CFAP69: variants seen among roughly 807,000 people sequenced by gnomAD.
CFAP69 encodes the protein cilia- and flagella-associated protein 69.
A neutral mutation model predicts 123.0 loss-of-function variants in CFAP69; 92 were observed. That is an observed-to-expected ratio of 0.75 (90% CI 0.63 to 0.89). The LOEUF (loss-of-function observed/expected upper bound fraction) is 0.89, where lower values mean the gene tolerates loss of function less well. Among genes scored for constraint, CFAP69 ranks in the 40% least tolerant of loss-of-function variants. CFAP69 has a pLI of 0.00. For synonymous variants in CFAP69, 380 were observed against 364.3 expected (o/e 1.04, Z -0.49); for missense variants, 1,067 against 1,096.9 (o/e 0.97, Z 0.39).
intron 11 of CFAP69, among the ~76,000 whole-genome samples, 173 bp from the exon 12 acceptor site, chr7:90,279,504 T>G (rs1789119807): frequency 6.6e-6 from 1 of 151,638 alleles, no homozygotes; most frequent in Non-Finnish European, 1.5e-5. Flanking sequence ...GATTATAACT[T>G]ATTTAATTTT....
At chr7:90,319,790 TAA>T in the CFAP69 span, 3 of 398,258 alleles carry the variant, frequency 7.5e-6, no homozygotes, top group Non-Finnish European at 1.3e-5. Context: ...ATATTTAACT[TAA>T]AAAAGTTATT....
At chr7:90,304,323 C>T (rs1327428260) in intron 18 of CFAP69, 3 of 1,281,270 alleles carry the variant, frequency 2.3e-6, no homozygotes, top group South Asian at 4.8e-5. Context: ...TAAAGCTCCC[C>T]AGGCAATTCC....
In CFAP69 at chr7:90,274,088, A is replaced by G. The variant is rs1800387885; in HGVS notation, c.962A>G (p.Gln321Arg). 1.3e-6 allele frequency: 2 copies of G among 1,598,486 alleles called. No homozygotes were observed. The highest frequency in any genetic ancestry group is 1.7e-6 in the Non-Finnish European group (2 of 1,175,184). ...TTAGTGATCACTACAATTATAGCTCAAAATCCTGAAGCACCAATGATTGTA... is the reference window on the plus strand; with the variant it reads ...TTAGTGATCACTACAATTATAGCTCGAAATCCTGAAGCACCAATGATTGTA... ...DILVITTIIA[Q>R]NPEAPMIECG... The change falls in exon 9 of 23, where the codon CAA becomes CGA. Residue 321 changes from glutamine (Q) to arginine (R), a missense_variant. Physicochemically the swap from Gln to Arg is conservative, Grantham distance 43. Transcript: ENST00000389297.
At chr7:90,250,755 C>T (rs957431772) in intron 1 of CFAP69, among the ~76,000 whole-genome samples, 9 of 152,050 alleles carry the variant, frequency 5.9e-5, no homozygotes, top group African/African-American at 1.7e-4. Context: ...TCAATTGTCA[C>T]GTTAAGCCTA....
chr7:90,283,454 A>G (rs915889326), intron 13 of CFAP69, among the ~76,000 whole-genome samples: 1 of 152,212 alleles, frequency 6.6e-6, no homozygotes, highest in African/African-American at 2.4e-5. Flanking sequence ...GTATTTACAG[A>G]AATGTACAGA....
chr7:90,259,502 G>C (rs891972533), intron 3 of CFAP69, among the ~76,000 whole-genome samples: 1 of 148,742 alleles, frequency 6.7e-6, no homozygotes, highest in African/African-American at 2.5e-5. Context: ...GTTTGTTTTT[G>C]ACACAGAGTC....
chr7:90,319,599 TTTCCA>T, the CFAP69 span: 1 of 398,616 alleles, frequency 2.5e-6, no homozygotes. Flanking sequence ...AAGAGCAAGC[TTTCCA>T]GCACTGGAGA....
intron 12 of CFAP69, 118 bp from the exon 13 acceptor site, chr7:90,282,774 A>G: frequency 5.0e-6 from 4 of 799,496 alleles, no homozygotes; most frequent in Non-Finnish European, 7.0e-6. Context: ...AAAAAAAACT[A>G]AAGCAAATAT....
chr7:90,303,706 T>G, intron 17 of CFAP69: 1 of 1,014,672 alleles, frequency 9.9e-7, no homozygotes, highest in African/African-American at 1.7e-5. Context: ...TACATAGAAG[T>G]TTTACTTTTA....
At chr7:90,304,588 C>G in intron 18 of CFAP69, 156 bp from the exon 19 acceptor site, 3 of 1,408,888 alleles carry the variant, frequency 2.1e-6, no homozygotes, top group Non-Finnish European at 2.8e-6. Flanking sequence ...ACAGAATTAA[C>G]TTTTTCATAA....
Position 90,309,281 on chromosome 7 carries a change from GA to G in CFAP69, c.2574del (p.Ala859LeufsTer2). The G allele has an allele frequency of 2.6e-6, 4 of 1,542,618 alleles. No individual in the cohort carries two copies. The South Asian group carries it at 5.1e-5, about 20-fold the overall frequency. On this transcript the variant is annotated frameshift_variant, in exon 22 of 23. Coordinates refer to ENST00000389297, the MANE Select transcript of CFAP69 (RefSeq NM_001039706.3). LOFTEE classifies it high-confidence loss of function. Reference protein sequence around the residue: ...KTLKKAKSLQEKAIEASRYHK... With the variant: ...KTLKKAKSLQXKAIEASRYHK... Reference sequence around the variant, plus strand: ...TCCTCAGAAAGCAAAAAGCCTTCAAGAAAAAGCTATAGAAGCCTCCAGATAC... The same window carrying G: ...TCCTCAGAAAGCAAAAAGCCTTCAAGAAAAGCTATAGAAGCCTCCAGATAC...
intron 14 of CFAP69, among the ~76,000 whole-genome samples, chr7:90,286,777 G>C (rs1790348414): frequency 6.6e-6 from 1 of 152,032 alleles, no homozygotes; most frequent in African/African-American, 2.4e-5. Context: ...CTGTCACCCA[G>C]CATCATATTT....
chr7:90,300,660 T>C, intron 17 of CFAP69: 1 of 201,548 alleles, frequency 5.0e-6, no homozygotes, highest in Non-Finnish European at 8.2e-6. Flanking sequence ...TTTTTCTTTT[T>C]TTTTTGTGAG....
chr7:90,255,276 A>G (rs1025799213), intron 1 of CFAP69, 147 bp from the exon 2 acceptor site: 5 of 525,580 alleles, frequency 9.5e-6, no homozygotes, highest in Non-Finnish European at 1.3e-5. Context: ...GTGAGTTTTC[A>G]TCTACTGTTC....
At position 90,245,353 on chromosome 7, in the gene CFAP69, T is replaced by G; in HGVS notation, c.-72T>G. On this transcript the variant is annotated 5_prime_UTR_variant, in exon 1 of 23. Coordinates refer to ENST00000389297, the MANE Select transcript of CFAP69 (RefSeq NM_001039706.3). The stretch of plus-strand genomic sequence containing the variant: ...TTCCCTTCTCGGTGGCGGGGCCTCT[T>G]TGGGCCCAGCGGCTGCGGGCGCACT... The G allele has an allele frequency of 6.9e-7, 1 of 1,440,098 alleles. No individual in the cohort carries two copies. The allele number at this position is 1,440,098 out of a possible 1,614,324, so 89.2% of individuals were successfully genotyped here.
At chr7:90,255,047 C>T (rs987490730) in intron 1 of CFAP69, among the ~76,000 whole-genome samples, 1 of 152,142 alleles carries the variant, frequency 6.6e-6, no homozygotes, top group Admixed American at 6.5e-5. Context: ...GAAAAGCAAT[C>T]TCCTACCTAT....
At position 90,306,960 on chromosome 7, in the gene CFAP69, C is replaced by T; in HGVS notation, c.2325C>T (p.Val775=). Residue 775 remains valine (V), a synonymous_variant, in exon 20 of 23, where the codon GTC becomes GTT. Coordinates refer to ENST00000389297, the MANE Select transcript of CFAP69 (RefSeq NM_001039706.3). ...TAAAATTAGAAAAATTAAGACCAGT[C>T]ACTACAGATAAAAAAGCTTTGGAAG... is the stretch of plus-strand genomic sequence containing the variant. ...EEIKLEKLRP[V]TTDKKALEAI... The T allele has an allele frequency of 1.3e-6, 2 of 1,584,362 alleles. No individual in the cohort carries two copies. The highest frequency in any genetic ancestry group is 1.7e-6 in the Non-Finnish European group (2 of 1,155,078).
chr7:90,294,327 G>A (rs1487990438), intron 15 of CFAP69, among the ~76,000 whole-genome samples: 2 of 152,128 alleles, frequency 1.3e-5, no homozygotes, highest in African/African-American at 2.4e-5. Flanking sequence ...TATTAAAACT[G>A]TCTTGATTTC....
chr7:90,273,159 T>C (rs953319789), intron 8 of CFAP69, among the ~76,000 whole-genome samples: 3 of 152,134 alleles, frequency 2.0e-5, no homozygotes, highest in African/African-American at 7.2e-5. Flanking sequence ...CAAACAGGAC[T>C]TGGTAACAGA....
Sources: gnomAD v4.1 joint callset for allele counts (sites outside exome capture counted in the v4.1 genomes callset) on GRCh38, gnomAD v4.1.1 for gene constraint, MANE v1.5 for transcripts, NCBI Gene and HGNC (gene_info 2026-07-23, HGNC 2026-07-21) for gene names.